Variants in DGKD observed in about 807,000 individuals in gnomAD.
DGKD encodes the protein diacylglycerol kinase delta.
DGKD carries 68 observed loss-of-function variants against 154.4 expected under a neutral mutation model. That is an observed-to-expected ratio of 0.44 (90% confidence interval 0.36 to 0.54). DGKD has a LOEUF of 0.54. DGKD is among the 20% of genes least tolerant of loss of function. The probability of loss-of-function intolerance (pLI) is 0.00; values close to 1 mark genes in which losing one functional copy is unlikely to be tolerated. For synonymous variants in DGKD, 693 were observed against 638.0 expected, an observed-to-expected ratio of 1.09 and a Z score of -1.30; for missense variants, 1,343 against 1,593.6, an observed-to-expected ratio of 0.84 and a Z score of 2.68.
At chr2:233,366,048 C>T (rs1017917640) in intron 1 of DGKD, among the ~76,000 whole-genome samples, 1 of 152,004 alleles carries the variant, frequency 6.6e-6, no homozygotes, top group African/African-American at 2.4e-5. Context: ...TATGCAAAGG[C>T]CCTGTGGCAA....
rs761676108 is a variant in DGKD, at chr2:233,464,271, C to T, written c.3294C>T (p.Pro1098=). ...DTPWLCQSAE[P]GDEESVMLDL... is the part of the protein sequence containing the mutation. ...CGTGGCTCTGCCAGTCCGCAGAGCCCGGCGACGAAGAGGTATGTGGCTCAT... is the reference window on the plus strand; with the variant it reads ...CGTGGCTCTGCCAGTCCGCAGAGCCTGGCGACGAAGAGGTATGTGGCTCAT... The change falls in exon 27 of 30, where the codon CCC becomes CCT. Residue 1098 remains proline (P), a synonymous_variant. Coordinates refer to ENST00000264057, the MANE Select transcript of DGKD (RefSeq NM_152879.3). The T allele has an allele frequency of 1.7e-5, 27 of 1,613,468 alleles. No individual in the cohort carries two copies. The highest frequency in any genetic ancestry group is 5.5e-5 in the South Asian group (5 of 91,076).
At chr2:233,451,092 A>G in intron 17 of DGKD, 42 bp downstream of exon 17, 2 of 1,583,412 alleles carry the variant, frequency 1.3e-6, no homozygotes, top group Non-Finnish European at 1.7e-6. Context: ...GGGCCCTAGC[A>G]CAACACTGGT....
intron 3 of DGKD, among the ~76,000 whole-genome samples, chr2:233,404,666 G>A (rs1295033418): frequency 6.6e-6 from 1 of 151,976 alleles, no homozygotes; most frequent in African/African-American, 2.4e-5. Context: ...AATCTCTAGA[G>A]GATTGGCATG....
At chr2:233,368,931 C>G (rs1427252520) in intron 1 of DGKD, among the ~76,000 whole-genome samples, 2 of 152,214 alleles carry the variant, frequency 1.3e-5, no homozygotes, top group Non-Finnish European at 2.9e-5. Flanking sequence ...GTGGCCGAGG[C>G]TGCCAGCCCA....
rs2062693221 is a variant in DGKD, at chr2:233,436,317, T to C, written c.695T>C (p.Ile232Thr). Reference sequence around the variant, plus strand: ...GTGCGTGCCTCTGTTTGGTTGCAGATTGCAATGCCCCACCAGTGGTTGGAA... The same window carrying C: ...GTGCGTGCCTCTGTTTGGTTGCAGACTGCAATGCCCCACCAGTGGTTGGAA... ...GKDIIEDADG[I>T]AMPHQWLEGN... The change falls in exon 7 of 30, where the codon ATT becomes ACT. Residue 232 changes from isoleucine to threonine, a missense_variant and splice_region_variant. Physicochemically the swap from Ile to Thr is moderately conservative, Grantham distance 89. Coordinates refer to ENST00000264057, the MANE Select transcript of DGKD (RefSeq NM_152879.3). 6.2e-7 allele frequency: 1 copy of C among 1,614,054 alleles called. No individual in the cohort carries two copies. The highest frequency in any genetic ancestry group is 8.5e-7 in the Non-Finnish European group (1 of 1,180,026).
At position 233,457,641 on chromosome 2, in the gene DGKD, T is replaced by G. The variant is rs1385571800; in HGVS notation, c.2580+313T>G. On this transcript the variant is annotated intron_variant, in intron 21 of 29. Coordinates refer to ENST00000264057, the MANE Select transcript of DGKD (RefSeq NM_152879.3). The surrounding 1 kb of genome is among the most constrained non-coding windows in gnomAD (Gnocchi z 5.5). Reference sequence around the variant, plus strand: ...ACCTGAAGGATGAGTTGGAGTTGGCTAAGTTAGGTGGGCAGAGGAGAGGGG... The same window carrying G: ...ACCTGAAGGATGAGTTGGAGTTGGCGAAGTTAGGTGGGCAGAGGAGAGGGG... The G allele has an allele frequency of 2.0e-6, 1 of 507,292 alleles. No homozygotes were observed. The highest frequency in any genetic ancestry group is 1.6e-5 in the South Asian group (1 of 63,606). 31.4% of individuals were successfully genotyped at this position (507,292 alleles called of 1,614,324 possible). A position where few individuals can be genotyped will look rare whatever the true frequency, so the allele number is the denominator to read the frequency against.
chr2:233,422,095 G>A (rs968926391), intron 3 of DGKD, among the ~76,000 whole-genome samples: 1 of 152,226 alleles, frequency 6.6e-6, no homozygotes, highest in Non-Finnish European at 1.5e-5. Flanking sequence ...CTGTGGGGCT[G>A]CAGAGGCAGC....
chr2:233,419,378 C>G, intron 3 of DGKD: 1 of 985,464 alleles, frequency 1.0e-6, no homozygotes. Flanking sequence ...AATTTTGATA[C>G]ACGTGGAGCA....
chr2:233,389,592 G>T (rs533092316), intron 2 of DGKD, among the ~76,000 whole-genome samples: 1 of 150,496 alleles, frequency 6.6e-6, no homozygotes, highest in East Asian at 1.9e-4. Flanking sequence ...AAAAAAACAC[G>T]ACAAAATAAC....
intron 1 of DGKD, among the ~76,000 whole-genome samples, chr2:233,355,521 C>G (rs1397343328): frequency 6.6e-6 from 1 of 152,216 alleles, no homozygotes; most frequent in South Asian, 2.1e-4. Flanking sequence ...TTGGCACGGA[C>G]TTTCTCCTCC....
At chr2:233,395,515 C>T (rs11679773) in intron 3 of DGKD, among the ~76,000 whole-genome samples, 35,734 of 151,736 alleles carry the variant, frequency 0.24, 5,059 homozygotes, top group African/African-American at 0.41. Context: ...CTTCTACTTC[C>T]CTTCTGTGTT....
intron 3 of DGKD, among the ~76,000 whole-genome samples, chr2:233,395,662 CTT>C (rs1209520259): frequency 7.8e-6 from 1 of 128,376 alleles, no homozygotes; most frequent in Admixed American, 8.2e-5. Context: ...TTCCTTTTTC[CTT>C]TTTTTTTTTT....
In DGKD at chr2:233,438,199, G is replaced by GT. The variant is rs1322256928; in HGVS notation, c.923-16dup. The GT allele has an allele frequency of 6.2e-7, 1 of 1,612,138 alleles. No homozygotes were observed. Among genetic ancestry groups the GT allele is most frequent in the Non-Finnish European group, 8.5e-7 (1 of 1,179,036 alleles). On this transcript the variant is annotated splice_polypyrimidine_tract_variant and intron_variant, in intron 8 of 29. Transcript: ENST00000264057. The surrounding 1 kb of genome is among the most constrained non-coding windows in gnomAD (Gnocchi z 4.1). ...TTCCGTGGCCTATATATTTTCTTCT[G>GT]TTCGTTCTTGCGTCCAGGGTTCTGG...
At chr2:233,364,936 G>A (rs191224449) in intron 1 of DGKD, among the ~76,000 whole-genome samples, 177 of 152,240 alleles carry the variant, frequency 1.2e-3, no homozygotes, top group African/African-American at 4.0e-3. Context: ...AAGATACTAT[G>A]CAAACACTAA....
At chr2:233,428,460 T>A (rs1233458503) in intron 3 of DGKD, among the ~76,000 whole-genome samples, 1 of 152,178 alleles carries the variant, frequency 6.6e-6, no homozygotes, top group Non-Finnish European at 1.5e-5. Flanking sequence ...TGTCAAATGA[T>A]GACATCAAAG....
intron 3 of DGKD, among the ~76,000 whole-genome samples, chr2:233,411,291 A>G (rs1033164075): frequency 3.9e-5 from 6 of 152,198 alleles, no homozygotes; most frequent in African/African-American, 1.4e-4. Flanking sequence ...TGGTGATCCA[A>G]TTTTATATTC....
intron 3 of DGKD, among the ~76,000 whole-genome samples, chr2:233,396,163 T>C (rs542898928): frequency 4.6e-5 from 7 of 152,348 alleles, no homozygotes; most frequent in African/African-American, 1.7e-4. Context: ...TTGCTGTCTT[T>C]GAAGGCATTT....
At chr2:233,366,138 G>GA (rs1702016859) in intron 1 of DGKD, among the ~76,000 whole-genome samples, 1 of 152,188 alleles carries the variant, frequency 6.6e-6, no homozygotes, top group Non-Finnish European at 1.5e-5. Flanking sequence ...CTTTGGTTGG[G>GA]ATCTGACACT....
In DGKD at chr2:233,432,552, G is replaced by A. The variant is rs373431159; in HGVS notation, c.349-1828G>A. ...CGGGCGCCTGTAGTCCCAGCTACTCGGGAGGCTGAGGCAGGAGAATGGCAT... is the reference window on the plus strand; with the variant it reads ...CGGGCGCCTGTAGTCCCAGCTACTCAGGAGGCTGAGGCAGGAGAATGGCAT... On this transcript the variant is annotated intron_variant, in intron 3 of 29. Coordinates refer to ENST00000264057, the MANE Select transcript of DGKD (RefSeq NM_152879.3). 1.1e-3 allele frequency among the ~76,000 whole-genome samples: 164 copies of A among 152,260 alleles called. 1 individual carries two copies. Among genetic ancestry groups the A allele is most frequent in the Admixed American group, 2.0e-3 (30 of 15,292 alleles).
Sources: gnomAD v4.1 joint callset for allele counts (sites outside exome capture counted in the v4.1 genomes callset) on GRCh38, gnomAD v4.1.1 for gene constraint, Gnocchi (gnomAD v3.1) non-coding constraint, MANE v1.5 for transcripts, NCBI Gene and HGNC (gene_info 2026-07-23, HGNC 2026-07-21) for gene names.